TRPS1: variants seen among roughly 807,000 people sequenced by gnomAD.
The protein encoded by TRPS1 is zinc finger transcription factor Trps1.
Under a neutral mutation model 101.2 loss-of-function variants are expected in TRPS1, and 6 were observed. That is an observed-to-expected ratio of 0.06 (90% CI 0.03 to 0.12). The LOEUF is 0.12. Among genes scored for constraint, TRPS1 ranks in the 10% least tolerant of loss-of-function variants. TRPS1 has a pLI of 1.00. For missense variants in TRPS1, 1,363 were observed against 1,567.0 expected, an observed-to-expected ratio of 0.87 and a Z score of 2.20; for synonymous variants, 578 against 589.8, an observed-to-expected ratio of 0.98 and a Z score of 0.29.
intron 5 of TRPS1, among the ~76,000 whole-genome samples, chr8:115,445,883 C>T (rs1403264229): frequency 3.9e-5 from 6 of 152,062 alleles, no homozygotes; most frequent in Non-Finnish European, 7.4e-5. Flanking sequence ...AAATGTAACA[C>T]GCCCGTCAAA....
At chr8:115,487,080 C>T (rs1298040218) in intron 5 of TRPS1, among the ~76,000 whole-genome samples, 1 of 152,184 alleles carries the variant, frequency 6.6e-6, no homozygotes, top group Non-Finnish European at 1.5e-5. Context: ...CAGCTGCTGA[C>T]TTGAAATTCA....
chr8:115,667,529 C>T (rs938024560), intron 1 of TRPS1, among the ~76,000 whole-genome samples: 6 of 152,188 alleles, frequency 3.9e-5, no homozygotes, highest in African/African-American at 7.2e-5. Flanking sequence ...GCCAGTGTCC[C>T]CTGACCCGCG....
At chr8:115,553,330 G>A (rs1816745270) in intron 5 of TRPS1, among the ~76,000 whole-genome samples, 1 of 151,968 alleles carries the variant, frequency 6.6e-6, no homozygotes, top group Non-Finnish European at 1.5e-5. Flanking sequence ...TGATCATTTA[G>A]AGTGTCTGTA....
At position 115,604,214 on chromosome 8, in the gene TRPS1, G is replaced by A. The variant is rs1404543891; in HGVS notation, c.1755C>T (p.Cys585=). The A allele has an allele frequency of 6.2e-7, 1 of 1,614,064 alleles. No individual in the cohort carries two copies. The highest frequency in any genetic ancestry group is 8.5e-7 in the Non-Finnish European group (1 of 1,179,994). ...TTTCTCCAAGGTGCTTTTCTGGGCT[G>A]CAAAGTCCTCTGGGACAGAATGGAC... ...KHCPFCPRGL[C]SPEKHLGEIT... Residue 585 remains cysteine, a synonymous_variant, in exon 4 of 7, where the codon TGC becomes TGT. Coordinates refer to ENST00000395715, the MANE Select transcript of TRPS1 (RefSeq NM_014112.5). The surrounding 1 kb of genome is among the most constrained non-coding windows in gnomAD (Gnocchi z 4.1).
intron 1 of TRPS1, among the ~76,000 whole-genome samples, chr8:115,632,161 T>C (rs527757559): frequency 6.6e-6 from 1 of 152,254 alleles, no homozygotes; most frequent in South Asian, 2.1e-4. Flanking sequence ...TGGATGATTA[T>C]GTATGTTTTA....
chr8:115,518,478 A>G (rs1046133090), intron 5 of TRPS1, among the ~76,000 whole-genome samples: 1 of 151,804 alleles, frequency 6.6e-6, no homozygotes, highest in South Asian at 2.1e-4. Flanking sequence ...GGTTTTCATG[A>G]TAACTATGTT....
chr8:115,570,715 A>ACACACT (rs1320011721), intron 5 of TRPS1, among the ~76,000 whole-genome samples: 1 of 148,850 alleles, frequency 6.7e-6, no homozygotes, highest in Non-Finnish European at 1.5e-5. Context: ...ACACACACAC[A>ACACACT]CACACTCACA....
At chr8:115,520,350 A>G (rs1473793801) in intron 5 of TRPS1, among the ~76,000 whole-genome samples, 1 of 151,780 alleles carries the variant, frequency 6.6e-6, no homozygotes, top group East Asian at 1.9e-4. Flanking sequence ...GGTATTTTCC[A>G]GGCTCATCTC....
At position 115,578,266 on chromosome 8, in the gene TRPS1, T is replaced by C. The variant is rs1586422369; in HGVS notation, c.2700+8735A>G. Among the ~76,000 whole-genome samples the C allele has an allele frequency of 1.3e-5, 2 of 152,180 alleles. 1 individual carries two copies. Among genetic ancestry groups the C allele is most frequent in the South Asian group, 4.1e-4 (2 of 4,834 alleles). Reference sequence around the variant, plus strand: ...AATCCTTAAATATTTCTAGGATATTTTTCCCACGCATTTTTTATAAGCCAA... The same window carrying C: ...AATCCTTAAATATTTCTAGGATATTCTTCCCACGCATTTTTTATAAGCCAA... On this transcript the variant is annotated intron_variant, in intron 5 of 6. Coordinates refer to ENST00000395715, the MANE Select transcript of TRPS1 (RefSeq NM_014112.5).
chr8:115,519,858 T>G (rs1473451233), intron 5 of TRPS1, among the ~76,000 whole-genome samples: 1 of 151,708 alleles, frequency 6.6e-6, no homozygotes, highest in Admixed American at 6.6e-5. Context: ...ATAATGTTTT[T>G]CCAAAACTCT....
chr8:115,424,470 G>A (rs144848681), intron 5 of TRPS1, among the ~76,000 whole-genome samples: 2 of 152,318 alleles, frequency 1.3e-5, no homozygotes, highest in East Asian at 3.9e-4. Context: ...CACAGCGTGA[G>A]ACAAACATGG....
intron 5 of TRPS1, among the ~76,000 whole-genome samples, chr8:115,492,396 G>C (rs558374188): frequency 8.6e-5 from 13 of 152,026 alleles, no homozygotes; most frequent in African/African-American, 3.1e-4. Flanking sequence ...TCAGAAATAG[G>C]GAGCCACCAA....
At chr8:115,448,699 T>C (rs1813797157) in intron 5 of TRPS1, among the ~76,000 whole-genome samples, 1 of 152,158 alleles carries the variant, frequency 6.6e-6, no homozygotes, top group African/African-American at 2.4e-5. Flanking sequence ...GAACTGACCA[T>C]TTTCTAAAAT....
rs1441552647 is a variant in TRPS1, at chr8:115,412,067, A to C, written c.*1956T>G. 1 of 152,448 alleles carries C rather than the reference A, an allele frequency of 6.6e-6. No individual in the cohort carries two copies. Among genetic ancestry groups the C allele is most frequent in the African/African-American group, 2.4e-5 (1 of 41,410 alleles). The allele number at this position is 152,448 out of a possible 1,614,324, so 9.4% of individuals were successfully genotyped here. Reference sequence around the variant, plus strand: ...AATCAGCGTTGCAGATTCCAGCAACACTTATCAAAATAATTTCTGAAATGT... The same window carrying C: ...AATCAGCGTTGCAGATTCCAGCAACCCTTATCAAAATAATTTCTGAAATGT... On this transcript the variant is annotated 3_prime_UTR_variant, in exon 7 of 7. Transcript: ENST00000395715.
At chr8:115,591,722 A>G (rs1263177029) in intron 4 of TRPS1, among the ~76,000 whole-genome samples, 1 of 152,176 alleles carries the variant, frequency 6.6e-6, no homozygotes, top group Non-Finnish European at 1.5e-5. Flanking sequence ...AAGGAAACAG[A>G]AAGTGCAGGG....
At chr8:115,593,993 C>T (rs1817733787) in intron 4 of TRPS1, among the ~76,000 whole-genome samples, 1 of 152,094 alleles carries the variant, frequency 6.6e-6, no homozygotes, top group African/African-American at 2.4e-5. Context: ...CATCACAAAA[C>T]ATCCAGATTG....
Position 115,623,872 on chromosome 8 carries a change from A to G in TRPS1, c.-121-114T>C, listed in dbSNP as rs1035945442. 20 of 1,031,406 alleles carry G rather than the reference A, an allele frequency of 1.9e-5. 1 individual carries two copies. Among genetic ancestry groups the G allele is most frequent in the Non-Finnish European group, 2.4e-5 (19 of 785,616 alleles). The allele number at this position is 1,031,406 out of a possible 1,614,324, so 63.9% of individuals were successfully genotyped here. ...GCATCATAGGCTGCCTGAAAGATAT[A>G]AAAGCATGAGCAAATCTGGAGCAAG... On this transcript the variant is annotated intron_variant, in intron 1 of 6. Coordinates refer to ENST00000395715, the MANE Select transcript of TRPS1 (RefSeq NM_014112.5).
At chr8:115,452,945 A>C (rs984345661) in intron 5 of TRPS1, among the ~76,000 whole-genome samples, 2 of 152,194 alleles carry the variant, frequency 1.3e-5, no homozygotes, top group East Asian at 1.9e-4. Context: ...CTAATATCAA[A>C]CAGAGCAAAA....
intron 5 of TRPS1, among the ~76,000 whole-genome samples, chr8:115,453,408 T>G (rs1469100171): frequency 6.6e-6 from 1 of 152,230 alleles, no homozygotes; most frequent in Non-Finnish European, 1.5e-5. Context: ...AACAAAATTC[T>G]GTCCACAATA....
Sources: gnomAD v4.1 joint callset for allele counts (sites outside exome capture counted in the v4.1 genomes callset) on GRCh38, gnomAD v4.1.1 for gene constraint, Gnocchi (gnomAD v3.1) non-coding constraint, MANE v1.5 for transcripts, NCBI Gene and HGNC (gene_info 2026-07-23, HGNC 2026-07-21) for gene names.